The following QRFPR variants were observed in gnomAD, a reference collection of about 807,000 sequenced individuals.
The protein encoded by QRFPR is pyroglutamylated RFamide peptide receptor, also known as pyroglutamylated RF-amide peptide receptor.
Under a neutral mutation model 31.3 loss-of-function variants are expected in QRFPR, and 37 were observed. The ratio of observed to expected loss-of-function variants is 1.18; its 90% CI spans 0.91 to 1.56. QRFPR has a LOEUF of 1.56. QRFPR is among the 40% of genes most tolerant of loss of function. The pLI, the probability that QRFPR is intolerant of heterozygous loss-of-function variation, is 0.00. For missense variants in QRFPR, 542 were observed against 532.5 expected (o/e 1.02, Z -0.18); for synonymous variants, 197 against 192.0 (o/e 1.03, Z -0.22).
rs773379681 is a variant in QRFPR, at chr4:121,330,466, G to T, written c.855C>A (p.Cys285Ter). Residue 285 changes from cysteine (C) to a stop codon, truncating the protein, a stop_gained, in exon 5 of 6, where the codon TGC (cysteine) becomes TGA (stop). Transcript: ENST00000394427. LOFTEE classifies it low-confidence loss of function (END_TRUNC). ...TATGGACAACATGGAATGGTGCCCA[G>T]CACACAGCAAAGAGAGCCACCACTG... ...MVTVVALFAV[C>*]WAPFHVVHMM... is the part of the protein sequence containing the mutation. The T allele has an allele frequency of 5.5e-5, 89 of 1,613,684 alleles. No homozygotes were observed. The highest frequency in any genetic ancestry group is 6.9e-5 in the Non-Finnish European group (81 of 1,179,776).
Position 121,329,619 on chromosome 4 carries a change from CAATG to C in QRFPR, c.987_990del (p.Ile330SerfsTer5). The stretch of plus-strand genomic sequence containing the variant: ...AAGTTTTCATTCATAAATGCATAGA[CAATG>C]GGATTACAGATGGAGTTGGAAAATC... On this transcript the variant is annotated frameshift_variant, in exon 6 of 6. Coordinates refer to ENST00000394427, the MANE Select transcript of QRFPR (RefSeq NM_198179.3). LOFTEE classifies it low-confidence loss of function (END_TRUNC). 5.0e-6 allele frequency: 8 copies of C among 1,610,996 alleles called. No homozygotes were observed. Among genetic ancestry groups the C allele is most frequent in the Non-Finnish European group, 6.8e-6 (8 of 1,178,678 alleles).
At position 121,380,149 on chromosome 4, in the gene QRFPR, G is replaced by A. The variant is rs116040688; in HGVS notation, c.340+159C>T. On this transcript the variant is annotated intron_variant, in intron 1 of 5. Transcript: ENST00000394427. ...GATTCATTTGACAGAGAAGTGTAAG[G>A]AAGAGACAGACGAGAGAGAGACAGA... Among the ~76,000 whole-genome samples, 345 of 141,838 alleles carry A rather than the reference G, an allele frequency of 2.4e-3. 1 individual carries two copies. Among genetic ancestry groups the A allele is most frequent in the African/African-American group, 7.3e-3 (279 of 38,170 alleles). 93.1% of individuals were successfully genotyped at this position (141,838 alleles called of 152,430 possible). A position where few individuals can be genotyped will look rare whatever the true frequency, so the allele number is the denominator to read the frequency against.
In QRFPR at chr4:121,365,408, C is replaced by T. The variant is rs1368443986; in HGVS notation, c.340+14900G>A. Among the ~76,000 whole-genome samples, 12 of 133,534 alleles carry T rather than the reference C, an allele frequency of 9.0e-5. 1 individual carries two copies. The East Asian group carries it at 1.3e-3, about 15-fold the overall frequency. 87.6% of individuals were successfully genotyped at this position (133,534 alleles called of 152,430 possible). A position where few individuals can be genotyped will look rare whatever the true frequency, so the allele number is the denominator to read the frequency against. On this transcript the variant is annotated intron_variant, in intron 1 of 5. Transcript: ENST00000394427. ...GGCAGAGCTTTTAGTGAGCCGAGAT[C>T]ACGCCACCGCACTCCAGCCTGGGCA...
chr4:121,380,738 G>A lies in QRFPR; in HGVS notation c.-91C>T. Reference sequence around the variant, plus strand: ...AGCGAGGGCTTCGGGGGACCAGCCGGAGGCCGCCTCCCTTCCTCTACTCTG... The same window carrying A: ...AGCGAGGGCTTCGGGGGACCAGCCGAAGGCCGCCTCCCTTCCTCTACTCTG... On this transcript the variant is annotated 5_prime_UTR_variant, in exon 1 of 6. Transcript: ENST00000394427. 8.1e-7 allele frequency: 1 copy of A among 1,232,910 alleles called. No homozygotes were observed. Among genetic ancestry groups the A allele is most frequent in the Non-Finnish European group, 1.1e-6 (1 of 903,722 alleles). The allele number at this position is 1,232,910 out of a possible 1,614,324, so 76.4% of individuals were successfully genotyped here. A position where few individuals can be genotyped will look rare whatever the true frequency, so the allele number is the denominator to read the frequency against.
intron 1 of QRFPR, among the ~76,000 whole-genome samples, chr4:121,378,782 C>A (rs75224192): frequency 0.19 from 28,784 of 151,974 alleles, 3,192 homozygotes; most frequent in Non-Finnish European, 0.25. Flanking sequence ...AATTGAGACC[C>A]AGACATACTA....
chr4:121,353,095 A>G (rs1364629595), intron 1 of QRFPR, among the ~76,000 whole-genome samples: 1 of 152,094 alleles, frequency 6.6e-6, no homozygotes, highest in Non-Finnish European at 1.5e-5. Context: ...CATGTACCAC[A>G]TATTCTTTAT....
chr4:121,360,780 G>A (rs1725973455), intron 1 of QRFPR, among the ~76,000 whole-genome samples: 1 of 152,144 alleles, frequency 6.6e-6, no homozygotes, highest in South Asian at 2.1e-4. Context: ...GCACTAGAAA[G>A]TTCTTCAGAA....
At chr4:121,360,601 A>G (rs1725970717) in intron 1 of QRFPR, among the ~76,000 whole-genome samples, 1 of 152,150 alleles carries the variant, frequency 6.6e-6, no homozygotes, top group African/African-American at 2.4e-5. Flanking sequence ...TACTACAGTA[A>G]TGCTCTTTGA....
chr4:121,363,831 T>C lies in QRFPR; in HGVS notation c.340+16477A>G, dbSNP rs776174156. On this transcript the variant is annotated intron_variant, in intron 1 of 5. Coordinates refer to ENST00000394427, the MANE Select transcript of QRFPR (RefSeq NM_198179.3). ...TGAATATTTCCCTGTACTGGCCATT[T>C]AATTATCCAGATTGTGGGGAATATC... is the stretch of plus-strand genomic sequence containing the variant. Among the ~76,000 whole-genome samples the C allele has an allele frequency of 4.1e-4, 61 of 150,060 alleles. 7 individuals carry two copies. The highest frequency in any genetic ancestry group is 1.6e-4 in the Non-Finnish European group (11 of 67,586).
At chr4:121,370,189 T>G in intron 1 of QRFPR, 1 of 772,644 alleles carries the variant, frequency 1.3e-6, no homozygotes, top group Non-Finnish European at 2.4e-6. Flanking sequence ...TTCCAAGGGA[T>G]GCTGCCCATG....
chr4:121,374,865 T>C (rs1273155586), intron 1 of QRFPR, among the ~76,000 whole-genome samples: 1 of 152,238 alleles, frequency 6.6e-6, no homozygotes, highest in Non-Finnish European at 1.5e-5. Flanking sequence ...CTCCTTTTTT[T>C]TGGAATTGCT....
In QRFPR at chr4:121,380,563, A is replaced by G; in HGVS notation, c.85T>C (p.Tyr29His). Residue 29 changes from tyrosine to histidine, a missense_variant, in exon 1 of 6, where the codon TAC (tyrosine) becomes CAC (histidine). Transcript: ENST00000394427. Reference sequence around the variant, plus strand: ...GTGTAGACGAGCGGTCGCAGCCGGTACAGAGCGATGAACTGCTCCCGCGTC... The same window carrying G: ...GTGTAGACGAGCGGTCGCAGCCGGTGCAGAGCGATGAACTGCTCCCGCGTC... Reference protein sequence around the residue: ...NLTREQFIALYRLRPLVYTPE... With the variant: ...NLTREQFIALHRLRPLVYTPE... The G allele has an allele frequency of 6.2e-7, 1 of 1,605,890 alleles. No homozygotes were observed. The highest frequency in any genetic ancestry group is 8.5e-7 in the Non-Finnish European group (1 of 1,176,712).
intron 1 of QRFPR, among the ~76,000 whole-genome samples, chr4:121,347,746 C>A (rs545164246): frequency 6.6e-6 from 1 of 152,210 alleles, no homozygotes; most frequent in Admixed American, 6.5e-5. Flanking sequence ...TCTGTCAAGA[C>A]TGATAGTTTT....
At chr4:121,334,282 C>T (rs373817227) in intron 3 of QRFPR, among the ~76,000 whole-genome samples, 1 of 152,130 alleles carries the variant, frequency 6.6e-6, no homozygotes, top group Non-Finnish European at 1.5e-5. Flanking sequence ...TGAGGGTATG[C>T]TCAGATGGTT....
At chr4:121,370,361 CA>C (rs1372447139) in intron 1 of QRFPR, 1 of 747,462 alleles carries the variant, frequency 1.3e-6, no homozygotes, top group Admixed American at 1.7e-5. Flanking sequence ...GGCTGAGATC[CA>C]GGTGTTTTTT....
intron 1 of QRFPR, among the ~76,000 whole-genome samples, chr4:121,369,245 T>G (rs1274425050): frequency 6.6e-6 from 1 of 152,212 alleles, no homozygotes; most frequent in Non-Finnish European, 1.5e-5. Context: ...GCCAGGCTGG[T>G]CTTTAACTCC....
intron 1 of QRFPR, among the ~76,000 whole-genome samples, chr4:121,372,350 G>A (rs377532479): frequency 2.1e-4 from 32 of 152,226 alleles, no homozygotes; most frequent in African/African-American, 6.7e-4. Flanking sequence ...TGCAACTACC[G>A]GGAAGTATTC....
intron 1 of QRFPR, chr4:121,369,717 C>G (rs1013183051): frequency 1.3e-6 from 2 of 1,596,252 alleles, no homozygotes; most frequent in African/African-American, 2.7e-5. Flanking sequence ...TCCCCACTTC[C>G]AGAGTCCATG....
chr4:121,374,424 G>T (rs889015163), intron 1 of QRFPR, among the ~76,000 whole-genome samples: 7 of 152,136 alleles, frequency 4.6e-5, no homozygotes, highest in African/African-American at 1.7e-4. Flanking sequence ...ATCAGCCTGA[G>T]TCCTGGAGCT....
Sources: allele counts gnomAD v4.1 joint callset (sites outside exome capture counted in the v4.1 genomes callset), GRCh38; gene constraint gnomAD v4.1.1; transcripts MANE v1.5; gene names NCBI Gene and HGNC (gene_info 2026-07-23, HGNC 2026-07-21).